The following KCNU1 variants were observed in gnomAD, a reference collection of about 807,000 sequenced individuals.
KCNU1 encodes potassium calcium-activated channel subfamily U member 1, also known as potassium channel subfamily U member 1.
In KCNU1, 93 loss-of-function variants were observed where a neutral mutation model predicts 126.8. That is an observed-to-expected ratio of 0.73 (90% CI 0.62 to 0.87). The LOEUF (loss-of-function observed/expected upper bound fraction) is 0.87. Among genes scored for constraint, KCNU1 ranks in the 40% least tolerant of loss-of-function variants. The probability of loss-of-function intolerance (pLI) is 0.00; values close to 1 mark genes in which losing one functional copy is unlikely to be tolerated. For synonymous variants in KCNU1, 523 were observed against 494.2 expected (o/e 1.06, Z -0.77); for missense variants, 1,330 against 1,367.1 (o/e 0.97, Z 0.43).
chr8:36,814,333 T>A lies in KCNU1; in HGVS notation c.859T>A (p.Ser287Thr), dbSNP rs761118500. Reference protein sequence around the residue: ...VGFGDVVAKTSLGRTFIMFFT... With the variant: ...VGFGDVVAKTTLGRTFIMFFT... ...ATTTGGAGATGTGGTAGCCAAGACA[T>A]CCTTAGGACGGACCTTCATCATGTT... Residue 287 changes from serine (S) to threonine (T), a missense_variant, in exon 8 of 27, where the codon TCC (serine) becomes ACC (threonine). Ser to Thr is a moderately conservative substitution (Grantham distance 58). Coordinates refer to ENST00000399881, the MANE Select transcript of KCNU1 (RefSeq NM_001031836.3). 48 of 1,612,878 alleles carry A rather than the reference T, an allele frequency of 3.0e-5. No homozygotes were observed. The South Asian group carries it at 4.4e-4, about 15-fold the overall frequency.
chr8:36,860,578 T>C (rs942278675), intron 18 of KCNU1, among the ~76,000 whole-genome samples: 2 of 152,150 alleles, frequency 1.3e-5, no homozygotes, highest in Non-Finnish European at 2.9e-5. Context: ...TTAAGAATAG[T>C]AGTATTCAAC....
intron 1 of KCNU1, among the ~76,000 whole-genome samples, chr8:36,786,096 A>G (rs1238698222): frequency 6.6e-6 from 1 of 151,562 alleles, no homozygotes; most frequent in Admixed American, 6.6e-5. Flanking sequence ...AAGCCTTTGG[A>G]GAAGTTGGAC....
At chr8:36,923,162 C>G (rs1318430651) in intron 24 of KCNU1, 3 of 435,192 alleles carry the variant, frequency 6.9e-6, no homozygotes, top group South Asian at 4.9e-5. Flanking sequence ...CCTGGCAGAC[C>G]TTTTCCATCC....
chr8:36,890,415 A>G (rs1178608571), intron 19 of KCNU1, among the ~76,000 whole-genome samples: 1 of 152,058 alleles, frequency 6.6e-6, no homozygotes, highest in Non-Finnish European at 1.5e-5. Flanking sequence ...TGCACTATAC[A>G]TTAGGCAGTG....
chr8:36,915,101 G>A (rs543979793), intron 22 of KCNU1, among the ~76,000 whole-genome samples: 40 of 152,282 alleles, frequency 2.6e-4, no homozygotes, highest in Non-Finnish European at 4.9e-4. Flanking sequence ...GTCTGTACCC[G>A]ATTAGAACAC....
chr8:36,930,516 AG>A (rs1171722631), intron 24 of KCNU1, among the ~76,000 whole-genome samples: 1 of 152,182 alleles, frequency 6.6e-6, no homozygotes, highest in Non-Finnish European at 1.5e-5. Flanking sequence ...ACAAGGCTCA[AG>A]TATAGATGAC....
intron 3 of KCNU1, among the ~76,000 whole-genome samples, chr8:36,804,353 G>A (rs1803422161): frequency 1.3e-5 from 2 of 152,114 alleles, no homozygotes; most frequent in South Asian, 4.2e-4. Flanking sequence ...GATTTACTCT[G>A]GAGTCTCTGG....
At position 36,886,903 on chromosome 8, in the gene KCNU1, G is replaced by A. The variant is rs986500078; in HGVS notation, c.2010-18805G>A. Among the ~76,000 whole-genome samples the A allele has an allele frequency of 1.1e-4, 17 of 151,838 alleles. 1 individual carries two copies. The highest frequency in any genetic ancestry group is 3.9e-4 in the African/African-American group (16 of 41,332). On this transcript the variant is annotated intron_variant, in intron 19 of 26. Coordinates refer to ENST00000399881, the MANE Select transcript of KCNU1 (RefSeq NM_001031836.3). ...TAGAAGTCAGAACATACAGTATTTG[G>A]TTTTCCATTACTGAGTTACTTCACT...
intron 19 of KCNU1, among the ~76,000 whole-genome samples, chr8:36,895,010 T>C (rs1255445523): frequency 6.6e-6 from 1 of 152,078 alleles, no homozygotes; most frequent in Non-Finnish European, 1.5e-5. Context: ...TAAAGTTTTG[T>C]AAGAAATAAA....
intron 10 of KCNU1, among the ~76,000 whole-genome samples, chr8:36,828,007 G>T (rs1187749540): frequency 6.6e-6 from 1 of 151,962 alleles, no homozygotes; most frequent in African/African-American, 2.4e-5. Flanking sequence ...TTTGTAATTT[G>T]TCTTTTTACT....
chr8:36,862,795 G>A (rs1805777556), intron 18 of KCNU1, among the ~76,000 whole-genome samples: 2 of 152,094 alleles, frequency 1.3e-5, no homozygotes, highest in Non-Finnish European at 2.9e-5. Flanking sequence ...TTGAGAAAAG[G>A]AGAGACGTCC....
intron 19 of KCNU1, among the ~76,000 whole-genome samples, chr8:36,890,696 C>T (rs576580154): frequency 6.6e-6 from 1 of 151,928 alleles, no homozygotes; most frequent in South Asian, 2.1e-4. Context: ...AATTAAAAGA[C>T]AGCTATTGTT....
At chr8:36,886,809 C>A (rs1806722751) in intron 19 of KCNU1, among the ~76,000 whole-genome samples, 2 of 152,074 alleles carry the variant, frequency 1.3e-5, no homozygotes, top group African/African-American at 4.8e-5. Flanking sequence ...CCAATGTCCC[C>A]CTTCTGAATC....
intron 19 of KCNU1, among the ~76,000 whole-genome samples, chr8:36,887,644 T>C (rs1806768302): frequency 6.6e-6 from 1 of 152,130 alleles, no homozygotes; most frequent in South Asian, 2.1e-4. Flanking sequence ...CAATAAAAGC[T>C]GTAGTTATGG....
chr8:36,929,410 A>AT (rs1808632134), intron 24 of KCNU1, among the ~76,000 whole-genome samples: 152 of 139,584 alleles, frequency 1.1e-3, no homozygotes, highest in African/African-American at 3.6e-3. Flanking sequence ...AAAAAAAAGA[A>AT]CAAAAAACAA....
At chr8:36,889,381 C>A in intron 19 of KCNU1, 1 of 397,670 alleles carries the variant, frequency 2.5e-6, no homozygotes, top group Non-Finnish European at 5.1e-6. Context: ...CAACACAACA[C>A]CAGAGATTAA....
At chr8:36,931,291 A>G in intron 25 of KCNU1, 146 bp downstream of exon 25, 1 of 487,686 alleles carries the variant, frequency 2.1e-6, no homozygotes, top group Non-Finnish European at 3.6e-6. Flanking sequence ...ACAAGTTTAT[A>G]TTATTCATAG....
At chr8:36,823,019 A>T (rs1020220321) in intron 10 of KCNU1, among the ~76,000 whole-genome samples, 4 of 152,216 alleles carry the variant, frequency 2.6e-5, no homozygotes, top group Non-Finnish European at 5.9e-5. Context: ...TGTACTTGAA[A>T]TGTGAAAATC....
Position 36,845,572 on chromosome 8 carries a change from G to T in KCNU1, c.1704-8G>T, listed in dbSNP as rs1482289884. On this transcript the variant is annotated splice_polypyrimidine_tract_variant and splice_region_variant and intron_variant, in intron 16 of 26. Coordinates refer to ENST00000399881, the MANE Select transcript of KCNU1 (RefSeq NM_001031836.3). ...AAACATTACCATGTGTTTATTTTTT[G>T]TTTCCAGTGGTCTGATACTAAATCC... 4 of 1,551,644 alleles carry T rather than the reference G, an allele frequency of 2.6e-6. No individual in the cohort carries two copies. Among genetic ancestry groups the T allele is most frequent in the Admixed American group, 3.5e-5 (2 of 57,686 alleles).
Sources: allele counts gnomAD v4.1 joint callset (sites outside exome capture counted in the v4.1 genomes callset), GRCh38; gene constraint gnomAD v4.1.1; transcripts MANE v1.5; gene names NCBI Gene and HGNC (gene_info 2026-07-23, HGNC 2026-07-21).